The following L1TD1 variants were observed in gnomAD, a reference collection of about 807,000 sequenced individuals.
The protein encoded by L1TD1 is LINE1 type transposase domain containing 1, also known as LINE-1 type transposase domain-containing protein 1.
Under a neutral mutation model 25.7 loss-of-function variants are expected in L1TD1, and 26 were observed. The ratio of observed to expected loss-of-function variants is 1.01; its 90% CI spans 0.74 to 1.40. The LOEUF (loss-of-function observed/expected upper bound fraction) is 1.40. Ranked by LOEUF, L1TD1 falls within the 40% of genes most tolerant of loss-of-function variation. L1TD1 has a pLI of 0.00. For synonymous variants in L1TD1, 421 were observed against 335.6 expected (o/e 1.25, Z -2.78); for missense variants, 1,130 against 975.0 (o/e 1.16, Z -2.12).
Position 62,211,198 on chromosome 1 carries a change from C to T in L1TD1, c.2424C>T (p.Ser808=), listed in dbSNP as rs1342259181. The change falls in exon 4 of 4, where the codon AGC becomes AGT. Residue 808 remains serine, a synonymous_variant. Transcript: ENST00000498273. ...CACTGGATGCTAGAAGTAAATGGAG[C>T]AATGTCTTCAAAGTTCTGCTGGAAA... ...LDTLDARSKW[S]NVFKVLLEKG... 20 of 1,552,636 alleles carry T rather than the reference C, an allele frequency of 1.3e-5. No individual in the cohort carries two copies. The highest frequency in any genetic ancestry group is 1.7e-5 in the Non-Finnish European group (19 of 1,147,542).
rs999774008 is a variant in L1TD1, at chr1:62,211,595, A to G, written c.*223A>G. On this transcript the variant is annotated 3_prime_UTR_variant, in exon 4 of 4. Coordinates refer to ENST00000498273, the MANE Select transcript of L1TD1 (RefSeq NM_019079.5). ...GTAGTGAGTTATTTCAGTTGATCAC[A>G]GTCAGTTACAGATAGAATTCCTTGT... is the stretch of plus-strand genomic sequence containing the variant. 5 of 559,586 alleles carry G rather than the reference A, an allele frequency of 8.9e-6. No homozygotes were observed. The highest frequency in any genetic ancestry group is 3.8e-5 in the African/African-American group (2 of 52,392). 34.7% of individuals were successfully genotyped at this position (559,586 alleles called of 1,614,324 possible).
chr1:62,201,224 C>T lies in L1TD1; in HGVS notation c.-111+4696C>T, dbSNP rs780339970. 9.9e-5 allele frequency among the ~76,000 whole-genome samples: 15 copies of T among 152,012 alleles called. No homozygotes were observed. The East Asian group carries it at 1.3e-3, about 14-fold the overall frequency. On this transcript the variant is annotated intron_variant, in intron 2 of 3. Coordinates refer to ENST00000498273, the MANE Select transcript of L1TD1 (RefSeq NM_019079.5). ...GATTACAGGCATAAGCCACTGCAACCGGCCTCAAGTACATTTATTGTAGCG... is the reference window on the plus strand; with the variant it reads ...GATTACAGGCATAAGCCACTGCAACTGGCCTCAAGTACATTTATTGTAGCG...
At chr1:62,208,488 T>A (rs1670794676) in intron 3 of L1TD1, 1 of 150,884 alleles carries the variant, frequency 6.6e-6, no homozygotes, top group Non-Finnish European at 1.5e-5. Flanking sequence ...GGGCTTTTTT[T>A]TTTTTTTTTG....
chr1:62,206,782 A>G lies in L1TD1; in HGVS notation c.154A>G (p.Met52Val). The G allele has an allele frequency of 7.0e-6, 11 of 1,568,872 alleles. No individual in the cohort carries two copies. Among genetic ancestry groups the G allele is most frequent in the Non-Finnish European group, 8.7e-6 (10 of 1,154,882 alleles). The stretch of plus-strand genomic sequence containing the variant: ...AAAATGCAAGGACGTATCAGCAATT[A>G]TGAATAAGTTTAAGGTCTTAATGGA... ...DLKCKDVSAIMNKFKVLMEIQ... is the reference protein window; with the variant it reads ...DLKCKDVSAIVNKFKVLMEIQ... The change falls in exon 3 of 4, where the codon ATG (methionine) becomes GTG (valine). Residue 52 changes from methionine to valine, a missense_variant. Transcript: ENST00000498273.
rs780101871 is a variant in L1TD1, at chr1:62,211,368, C to T, written c.2594C>T (p.Pro865Leu). 7 of 1,591,310 alleles carry T rather than the reference C, an allele frequency of 4.4e-6. No individual in the cohort carries two copies. The South Asian group carries it at 4.6e-5, about 10-fold the overall frequency. Residue 865 changes from proline (P) to leucine (L), a missense_variant, in exon 4 of 4, where the codon CCT becomes CTT. Physicochemically the swap from Pro to Leu is moderately conservative, Grantham distance 98. Transcript: ENST00000498273. ...TLRELLGNNI[P>L] Reference sequence around the variant, plus strand: ...AGAGAATTACTGGGGAATAATATACCTTAGCACGCCAGGGTGACTACAAAC... The same window carrying T: ...AGAGAATTACTGGGGAATAATATACTTTAGCACGCCAGGGTGACTACAAAC...
In L1TD1 at chr1:62,211,974, T is replaced by C. The variant is rs557535764; in HGVS notation, c.*602T>C. ...AGCGACACTCCGTCTCAAAAAAAAG[T>C]ATATTGTGCTAGCTTGTCTAAGAAT... On this transcript the variant is annotated 3_prime_UTR_variant, in exon 4 of 4. Coordinates refer to ENST00000498273, the MANE Select transcript of L1TD1 (RefSeq NM_019079.5). 1 of 151,822 alleles carries C rather than the reference T, an allele frequency of 6.6e-6. No individual in the cohort carries two copies. Among genetic ancestry groups the C allele is most frequent in the South Asian group, 2.1e-4 (1 of 4,806 alleles). The allele number at this position is 151,822 out of a possible 1,614,324, so 9.4% of individuals were successfully genotyped here.
Position 62,207,138 on chromosome 1 carries a change from C to G in L1TD1, c.510C>G (p.Val170=). 1 of 1,579,292 alleles carries G rather than the reference C, an allele frequency of 6.3e-7. No homozygotes were observed. The highest frequency in any genetic ancestry group is 8.6e-7 in the Non-Finnish European group (1 of 1,160,890). ...LPQGESRSYE[V]MGSMEETLCN... is the part of the protein sequence containing the mutation. ...AGGGTGAATCACGAAGTTACGAAGT[C>G]ATGGGAAGTATGGAAGAAACCTTAT... The change falls in exon 3 of 4, where the codon GTC becomes GTG. Residue 170 remains valine (V), a synonymous_variant. Transcript: ENST00000498273.
At chr1:62,205,904 T>A (rs1670736021) in intron 2 of L1TD1, among the ~76,000 whole-genome samples, 1 of 151,840 alleles carries the variant, frequency 6.6e-6, no homozygotes, top group South Asian at 2.1e-4. Flanking sequence ...GCTAATTTTT[T>A]ATTTTTTTGT....
At position 62,211,528 on chromosome 1, in the gene L1TD1, G is replaced by A. The variant is rs1670871974; in HGVS notation, c.*156G>A. The A allele has an allele frequency of 8.0e-7, 1 of 1,255,172 alleles. No homozygotes were observed. The highest frequency in any genetic ancestry group is 1.1e-6 in the Non-Finnish European group (1 of 941,598). The allele number at this position is 1,255,172 out of a possible 1,614,324, so 77.8% of individuals were successfully genotyped here. On this transcript the variant is annotated 3_prime_UTR_variant, in exon 4 of 4. Coordinates refer to ENST00000498273, the MANE Select transcript of L1TD1 (RefSeq NM_019079.5). The stretch of plus-strand genomic sequence containing the variant: ...GGAATATTACAGATATTACCTAGAT[G>A]TTAATAAAGGGTATGTTTAAAAAAA...
At position 62,211,282 on chromosome 1, in the gene L1TD1, A is replaced by C; in HGVS notation, c.2508A>C (p.Lys836Asn). The change falls in exon 4 of 4, where the codon AAA becomes AAC. Residue 836 changes from lysine (K) to asparagine (N), a missense_variant. Transcript: ENST00000498273. ...PAKMAFDFRG[K>N]TKVFLSIEEF... ...AAATGGCATTTGATTTTAGGGGTAA[A>C]ACAAAGGTATTTCTTAGTATTGAAG... The C allele has an allele frequency of 6.2e-7, 1 of 1,612,634 alleles. No homozygotes were observed. Among genetic ancestry groups the C allele is most frequent in the Non-Finnish European group, 8.5e-7 (1 of 1,179,122 alleles).
rs760420644 is a variant in L1TD1, at chr1:62,210,039, C to T, written c.1265C>T (p.Ser422Leu). 31 of 1,612,432 alleles carry T rather than the reference C, an allele frequency of 1.9e-5. No individual in the cohort carries two copies. The highest frequency in any genetic ancestry group is 1.5e-4 in the Admixed American group (9 of 59,898). ...GLEEEEEEEA[S>L]GLEEDEASGL... Reference sequence around the variant, plus strand: ...GAGGAGGAAGAAGAAGAAGAGGCTTCAGGGTTGGAGGAGGATGAGGCCTCA... The same window carrying T: ...GAGGAGGAAGAAGAAGAAGAGGCTTTAGGGTTGGAGGAGGATGAGGCCTCA... Residue 422 changes from serine (S) to leucine (L), a missense_variant, in exon 4 of 4, where the codon TCA becomes TTA. By Grantham distance (145) the Ser-to-Leu change is moderately radical. Coordinates refer to ENST00000498273, the MANE Select transcript of L1TD1 (RefSeq NM_019079.5).
rs540201377 is a variant in L1TD1 at position 62,206,535 on chromosome 1, AT to A, written c.-87del. The A allele has an allele frequency of 2.4e-6, 3 of 1,241,130 alleles. No homozygotes were observed. Among genetic ancestry groups the A allele is most frequent in the East Asian group, 2.7e-5 (1 of 36,742 alleles). 76.9% of individuals were successfully genotyped at this position (1,241,130 alleles called of 1,614,324 possible). On this transcript the variant is annotated 5_prime_UTR_variant, in exon 3 of 4. Coordinates refer to ENST00000498273, the MANE Select transcript of L1TD1 (RefSeq NM_019079.5). The stretch of plus-strand genomic sequence containing the variant: ...GTATTTCAGATTGACGTATTTTAAG[AT>A]TTTTTTAACTTCTGAAGTCTAGCAG...
In L1TD1 at chr1:62,210,031, A is replaced by G. The variant is rs143064655; in HGVS notation, c.1257A>G (p.Glu419=). The part of the protein sequence containing the change: ...EPSGLEEEEE[E]EASGLEEDEA... ...CAGGGCTGGAGGAGGAAGAAGAAGA[A>G]GAGGCTTCAGGGTTGGAGGAGGATG... Residue 419 remains glutamate, a synonymous_variant, in exon 4 of 4, where the codon GAA becomes GAG. Transcript: ENST00000498273. 1,044 of 1,612,250 alleles carry G rather than the reference A, an allele frequency of 6.5e-4. 6 individuals carry two copies. The Middle Eastern group carries it at 0.014, about 21-fold the overall frequency.
At position 62,207,553 on chromosome 1, in the gene L1TD1, G is replaced by A. The variant is rs7533274; in HGVS notation, c.925G>A (p.Val309Met). ...LRKFASQKSS[V>M]KELLKDVLPQ... is the part of the protein sequence containing the mutation. ...AAAATTTGCCAGCCAAAAATCTTCT[G>A]TGAAAGAATTACTGAAAGATGTACT... The change falls in exon 3 of 4, where the codon GTG becomes ATG. Residue 309 changes from valine (V) to methionine (M), a missense_variant. Val to Met is a conservative substitution (Grantham distance 21). Transcript: ENST00000498273. 0.62 allele frequency: 967,832 copies of A among 1,550,546 alleles called. 306,087 individuals are homozygous for A. Among genetic ancestry groups the A allele is most frequent in the Non-Finnish European group, 0.64 (738,354 of 1,146,620 alleles).
chr1:62,206,869 T>G lies in L1TD1; in HGVS notation c.241T>G (p.Leu81Val), dbSNP rs961759901. 8 of 1,613,194 alleles carry G rather than the reference T, an allele frequency of 5.0e-6. No individual in the cohort carries two copies. The highest frequency in any genetic ancestry group is 1.3e-5 in the African/African-American group (1 of 74,814). Residue 81 changes from leucine to valine, a missense_variant, in exon 3 of 4, where the codon TTA becomes GTA. By Grantham distance (32) the Leu-to-Val change is conservative. Coordinates refer to ENST00000498273, the MANE Select transcript of L1TD1 (RefSeq NM_019079.5). ...TCTTAAAAATGACCTAAAAGCAGTT[T>G]TAGGGGGAAAAGCTACAATACCTGA... ...ETLKNDLKAV[L>V]GGKATIPEVK...
At chr1:62,198,446 T>TAAA (rs11353722) in intron 2 of L1TD1, among the ~76,000 whole-genome samples, 1 of 140,362 alleles carries the variant, frequency 7.1e-6, no homozygotes, top group Non-Finnish European at 1.5e-5. Flanking sequence ...TGTTCTTATT[T>TAAA]AAAAAAAAAA....
In L1TD1 at chr1:62,207,079, G is replaced by T. The variant is rs771642989; in HGVS notation, c.451G>T (p.Glu151Ter). 70 of 1,613,204 alleles carry T rather than the reference G, an allele frequency of 4.3e-5. 1 individual carries two copies. In the East Asian group the frequency reaches 1.4e-3, roughly 32 times the overall value. ...ELSGKLDNTN[E>*]YNSNDGKKLP... ...GAGTGGTAAATTAGACAACACTAAC[G>T]AATACAATAGTAATGATGGTAAGAA... is the stretch of plus-strand genomic sequence containing the variant. Residue 151 changes from glutamate (E) to a stop codon, truncating the protein, a stop_gained, in exon 3 of 4, where the codon GAA (glutamate) becomes TAA (stop). Coordinates refer to ENST00000498273, the MANE Select transcript of L1TD1 (RefSeq NM_019079.5). LOFTEE classifies it high-confidence loss of function.
intron 3 of L1TD1, chr1:62,208,527 G>T (rs11207930): frequency 6.8e-6 from 1 of 147,298 alleles, no homozygotes; most frequent in Admixed American, 7.1e-5. Flanking sequence ...TTGCCCTGGT[G>T]GGGGTGCAGT....
At chr1:62,209,664 A>G in intron 3 of L1TD1, 119 bp from the exon 4 acceptor site, 1 of 904,128 alleles carries the variant, frequency 1.1e-6, no homozygotes, top group Non-Finnish European at 1.6e-6. Flanking sequence ...GCACTTTTTC[A>G]GATATTTTCT....
Sources: allele counts gnomAD v4.1 joint callset (sites outside exome capture counted in the v4.1 genomes callset), GRCh38; gene constraint gnomAD v4.1.1; transcripts MANE v1.5; gene names NCBI Gene and HGNC (gene_info 2026-07-23, HGNC 2026-07-21).